Variants in PKHD1 observed in about 807,000 individuals in gnomAD.
PKHD1 encodes the protein fibrocystin.
In PKHD1, 291 loss-of-function variants were observed where a neutral mutation model predicts 412.0. The ratio of observed to expected loss-of-function variants is 0.71; its 90% confidence interval spans 0.64 to 0.78. The LOEUF is 0.78. Ranked by LOEUF, PKHD1 falls within the 30% of genes least tolerant of loss-of-function variation. The pLI is 0.00. For synonymous variants in PKHD1, 1,777 were observed against 1,821.5 expected (o/e 0.98, Z 0.62); for missense variants, 4,825 against 4,950.7 (o/e 0.97, Z 0.76).
intron 37 of PKHD1, among the ~76,000 whole-genome samples, chr6:51,930,649 C>T (rs17747420): frequency 0.013 from 2,025 of 152,294 alleles, 21 homozygotes; most frequent in South Asian, 0.034. Flanking sequence ...TTCTACATGA[C>T]CTGAGCTGGA....
Position 52,024,690 on chromosome 6 carries a change from G to A in PKHD1, c.5120C>T (p.Pro1707Leu), listed in dbSNP as rs1562160138. The change falls in exon 32 of 67, where the codon CCT (proline) becomes CTT (leucine). Residue 1707 changes from proline to leucine, a missense_variant. Coordinates refer to ENST00000371117, the MANE Select transcript of PKHD1 (RefSeq NM_138694.4). ...GTGGTACTCCCCGGCCGGAAGGGAA[G>A]GGACCACGCACTGAAGAACGGTGTG... ...GNHTVLQCVV[P>L]SLPAGEYHVR... is the part of the protein sequence containing the mutation. The A allele has an allele frequency of 6.2e-7, 1 of 1,614,164 alleles. No homozygotes were observed. Among genetic ancestry groups the A allele is most frequent in the Non-Finnish European group, 8.5e-7 (1 of 1,180,004 alleles).
At chr6:51,716,009 C>A (rs1334916994) in intron 60 of PKHD1, among the ~76,000 whole-genome samples, 1 of 152,036 alleles carries the variant, frequency 6.6e-6, no homozygotes, top group Non-Finnish European at 1.5e-5. Context: ...TGTGGGTGTT[C>A]ATTATACTAT....
intron 60 of PKHD1, among the ~76,000 whole-genome samples, chr6:51,675,263 C>A (rs777377527): frequency 3.3e-5 from 5 of 152,192 alleles, no homozygotes; most frequent in Non-Finnish European, 5.9e-5. Context: ...TTCAGCATCA[C>A]TTCTATAGAG....
chr6:52,060,296 A>G (rs1206681750), intron 14 of PKHD1, among the ~76,000 whole-genome samples: 1 of 152,238 alleles, frequency 6.6e-6, no homozygotes, highest in African/African-American at 2.4e-5. Flanking sequence ...TAGCCACAGC[A>G]CACAGCTATA....
intron 60 of PKHD1, among the ~76,000 whole-genome samples, chr6:51,738,741 G>A (rs1207945932): frequency 1.3e-5 from 2 of 152,088 alleles, no homozygotes; most frequent in Non-Finnish European, 2.9e-5. Context: ...GCACACAGTG[G>A]TCTCCTTTCC....
At chr6:51,897,833 T>C (rs1476487697) in intron 43 of PKHD1, among the ~76,000 whole-genome samples, 1 of 145,548 alleles carries the variant, frequency 6.9e-6, no homozygotes, top group South Asian at 2.3e-4. Flanking sequence ...ACCAAGCAAA[T>C]GGAAAACAAA....
At chr6:51,727,798 G>A (rs1782762037) in intron 60 of PKHD1, among the ~76,000 whole-genome samples, 2 of 152,264 alleles carry the variant, frequency 1.3e-5, no homozygotes, top group South Asian at 4.2e-4. Context: ...CAGTGCAACA[G>A]GTGTGGCCCA....
intron 58 of PKHD1, among the ~76,000 whole-genome samples, chr6:51,747,255 C>T (rs2150977478): frequency 6.6e-6 from 1 of 152,304 alleles, no homozygotes; most frequent in Non-Finnish European, 1.5e-5. Context: ...AGATGAACTG[C>T]ACCAGTCGTG....
At position 52,017,398 on chromosome 6, in the gene PKHD1, A is replaced by G. The variant is rs867711355; in HGVS notation, c.5600+12T>C. On this transcript the variant is annotated intron_variant, in intron 34 of 66. Transcript: ENST00000371117. ...TTGTGGGGAAGTTCAGGGAGGGAGA[A>G]GGTAAAGTTACCTGATAAAGAGGCC... 1 of 1,565,884 alleles carries G rather than the reference A, an allele frequency of 6.4e-7. No homozygotes were observed. Among genetic ancestry groups the G allele is most frequent in the Middle Eastern group, 1.7e-4 (1 of 5,990 alleles).
Position 52,062,671 on chromosome 6 carries a change from T to C in PKHD1, c.977-11A>G. 6.2e-7 allele frequency: 1 copy of C among 1,614,056 alleles called. No homozygotes were observed. The highest frequency in any genetic ancestry group is 8.5e-7 in the Non-Finnish European group (1 of 1,179,930). On this transcript the variant is annotated splice_polypyrimidine_tract_variant and intron_variant, in intron 13 of 66. Transcript: ENST00000371117. ...GAAGCCCTCGATTGCCTGTAAGACA[T>C]GTAGATCGCATAAACATTACAGGGC...
At position 52,058,466 on chromosome 6, in the gene PKHD1, C is replaced by G; in HGVS notation, c.1369G>C (p.Glu457Gln). ...LGGAMYYLEA[E>Q]HHGIAPSRGM... ...CTGCTTGGGGCTATCCCATGATGCT[C>G]TGCTTCCAGGTAGTACATGGCTCCA... is the stretch of plus-strand genomic sequence containing the variant. Residue 457 changes from glutamate to glutamine, a missense_variant, in exon 16 of 67, where the codon GAG (glutamate) becomes CAG (glutamine). Transcript: ENST00000371117. 1 of 1,614,190 alleles carries G rather than the reference C, an allele frequency of 6.2e-7. No homozygotes were observed. The highest frequency in any genetic ancestry group is 8.5e-7 in the Non-Finnish European group (1 of 1,180,024).
At chr6:52,028,048 C>G (rs1431582052) in intron 30 of PKHD1, 108 bp downstream of exon 30, 10 of 1,262,480 alleles carry the variant, frequency 7.9e-6, no homozygotes, top group Non-Finnish European at 1.2e-5. Context: ...ATGTCTTTAA[C>G]CTCTAACTTC....
chr6:52,085,908 C>T (rs1166199249), intron 1 of PKHD1, among the ~76,000 whole-genome samples: 1 of 151,736 alleles, frequency 6.6e-6, no homozygotes, highest in Admixed American at 6.6e-5. Context: ...CAGAGGGCAT[C>T]GACAAAATCC....
intron 21 of PKHD1, among the ~76,000 whole-genome samples, chr6:52,050,660 A>C (rs770515133): frequency 1.3e-5 from 2 of 152,178 alleles, no homozygotes; most frequent in Non-Finnish European, 2.9e-5. Context: ...AGCCCCTGGC[A>C]ACTCTAGGGA....
At chr6:51,850,449 TG>T (rs1771993473) in intron 49 of PKHD1, among the ~76,000 whole-genome samples, 1 of 152,210 alleles carries the variant, frequency 6.6e-6, no homozygotes, top group Non-Finnish European at 1.5e-5. Context: ...GGTAGTTTGA[TG>T]GGAATAGCAT....
chr6:52,075,851 TG>T (rs1811256594), intron 6 of PKHD1, among the ~76,000 whole-genome samples: 1 of 152,126 alleles, frequency 6.6e-6, no homozygotes, highest in African/African-American at 2.4e-5. Flanking sequence ...AACTGCAAAA[TG>T]GGAATAAAAA....
chr6:51,797,869 C>A (rs956705760), intron 52 of PKHD1, among the ~76,000 whole-genome samples: 1 of 152,118 alleles, frequency 6.6e-6, no homozygotes, highest in South Asian at 2.1e-4. Flanking sequence ...AGTTATTTTG[C>A]AGACTTGTTT....
intron 61 of PKHD1, among the ~76,000 whole-genome samples, chr6:51,655,365 AATTG>A (rs1417851538): frequency 6.6e-6 from 1 of 152,150 alleles, no homozygotes; most frequent in African/African-American, 2.4e-5. Context: ...AGACTTGTAT[AATTG>A]ATTGGCTTTC....
chr6:51,702,130 G>C (rs1447049392), intron 60 of PKHD1, among the ~76,000 whole-genome samples: 1 of 99,662 alleles, frequency 1.0e-5, no homozygotes, highest in Non-Finnish European at 2.4e-5. Flanking sequence ...TCAATCGAAT[G>C]GATAAAAATA....
Sources: allele counts gnomAD v4.1 joint callset (sites outside exome capture counted in the v4.1 genomes callset), GRCh38; gene constraint gnomAD v4.1.1; transcripts MANE v1.5; gene names NCBI Gene and HGNC (gene_info 2026-07-23, HGNC 2026-07-21).